SETD5: variants seen among roughly 807,000 people sequenced by gnomAD.
SETD5 encodes histone-lysine N-methyltransferase SETD5.
A neutral mutation model predicts 153.3 loss-of-function variants in SETD5; 44 were observed. That is an observed-to-expected ratio of 0.29 (90% CI 0.23 to 0.37). SETD5 has a LOEUF of 0.37. SETD5 is among the 10% of genes least tolerant of loss of function. The pLI, the probability that SETD5 is intolerant of heterozygous loss-of-function variation, is 1.00. For synonymous variants in SETD5, 716 were observed against 645.2 expected, an observed-to-expected ratio of 1.11 and a Z score of -1.66; for missense variants, 1,544 against 1,768.0, an observed-to-expected ratio of 0.87 and a Z score of 2.27.
At chr3:9,435,951 C>A in intron 7 of SETD5, 45 bp downstream of exon 7, 1 of 1,500,148 alleles carries the variant, frequency 6.7e-7, no homozygotes, top group Non-Finnish European at 8.9e-7. Context: ...TCTGAAATAG[C>A]TTAAATTTTG....
intron 17 of SETD5, among the ~76,000 whole-genome samples, chr3:9,463,602 A>G (rs905046875): frequency 2.3e-4 from 35 of 152,184 alleles, no homozygotes; most frequent in African/African-American, 7.7e-4. Flanking sequence ...CTAATTTTTT[A>G]ATGGTTGGGA....
In SETD5 at chr3:9,473,336, C is replaced by T; in HGVS notation, c.3296C>T (p.Ala1099Val). 6.2e-7 allele frequency: 1 copy of T among 1,614,000 alleles called. No homozygotes were observed. Among genetic ancestry groups the T allele is most frequent in the Non-Finnish European group, 8.5e-7 (1 of 1,179,900 alleles). ...SAQSKSKSAG[A>V]GQGSSNSVSD... ...CAGAGCAAAAGCAAGTCTGCAGGAGCTGGGCAAGGCAGCAGTAACTCCGTT... is the reference window on the plus strand; with the variant it reads ...CAGAGCAAAAGCAAGTCTGCAGGAGTTGGGCAAGGCAGCAGTAACTCCGTT... Residue 1099 changes from alanine (A) to valine (V), a missense_variant, in exon 20 of 23, where the codon GCT becomes GTT. Physicochemically the swap from Ala to Val is moderately conservative, Grantham distance 64. This residue lies in a region of SETD5 where 93 missense variants were observed against 93.4 expected (regional missense o/e 1.00). Coordinates refer to ENST00000402198, the MANE Select transcript of SETD5 (RefSeq NM_001080517.3).
rs751506600 is a variant in SETD5, at chr3:9,434,799, CTTTAAG to C, written c.330-20_330-15del. 1 of 1,606,734 alleles carries C rather than the reference CTTTAAG, an allele frequency of 6.2e-7. No individual in the cohort carries two copies. On this transcript the variant is annotated intron_variant, in intron 5 of 22. Coordinates refer to ENST00000402198, the MANE Select transcript of SETD5 (RefSeq NM_001080517.3). This position sits in a 1 kb window ranked among gnomAD's most constrained non-coding sequence, Gnocchi z 5.6. ...GTGATGCATGCTGTTGGAAGGACTA[CTTTAAG>C]TTTATTTTCCCTCTTTAGGGGAATG...
chr3:9,472,844 T>C (rs893955659), intron 19 of SETD5, among the ~76,000 whole-genome samples: 1 of 152,138 alleles, frequency 6.6e-6, no homozygotes, highest in Non-Finnish European at 1.5e-5. Flanking sequence ...TTTTAAACTA[T>C]ACAAGCTTCC....
intron 15 of SETD5, 53 bp downstream of exon 15, chr3:9,448,059 T>G: frequency 1.3e-6 from 2 of 1,530,870 alleles, no homozygotes; most frequent in Non-Finnish European, 1.8e-6. Context: ...GCTGTCTTAG[T>G]GAAATGAGAG....
chr3:9,399,624 G>A (rs561716277), intron 1 of SETD5, among the ~76,000 whole-genome samples: 8 of 152,264 alleles, frequency 5.3e-5, no homozygotes, highest in African/African-American at 1.9e-4. Context: ...ATTTAAATTA[G>A]ATTGTAGAGT....
chr3:9,455,461 G>T (rs1479035008), intron 17 of SETD5, among the ~76,000 whole-genome samples: 1 of 151,802 alleles, frequency 6.6e-6, no homozygotes, highest in Non-Finnish European at 1.5e-5. Flanking sequence ...CTCTAGATTA[G>T]ATTATACCTC....
intron 17 of SETD5, among the ~76,000 whole-genome samples, chr3:9,459,131 G>A (rs1313153574): frequency 6.6e-6 from 1 of 152,116 alleles, no homozygotes; most frequent in Non-Finnish European, 1.5e-5. Flanking sequence ...GTACCTGGTT[G>A]GCGAGAGGTC....
chr3:9,445,982 T>TG (rs1178990677), intron 13 of SETD5, among the ~76,000 whole-genome samples: 1 of 147,766 alleles, frequency 6.8e-6, no homozygotes, highest in Non-Finnish European at 1.5e-5. Flanking sequence ...TTTTTTTTTT[T>TG]TTTTTTACTA....
intron 16 of SETD5, among the ~76,000 whole-genome samples, chr3:9,452,169 A>C (rs2042692315): frequency 6.6e-6 from 1 of 152,192 alleles, no homozygotes; most frequent in Non-Finnish European, 1.5e-5. Context: ...TTTTGTAGTC[A>C]TCAGATCCAG....
chr3:9,454,862 A>G (rs1009422223), intron 17 of SETD5, among the ~76,000 whole-genome samples: 3 of 152,040 alleles, frequency 2.0e-5, no homozygotes, highest in Admixed American at 1.3e-4. Context: ...TGATTTTCAT[A>G]ACTTTTCTCT....
rs371030587 is a variant in SETD5 at position 9,453,872 on chromosome 3, C to T, written c.2476+4C>T. Reference sequence around the variant, plus strand: ...AGTATCTGCAAAGACAATGCAGGTACGTATCTAAAACCTTTCTGATTATAT... The same window carrying T: ...AGTATCTGCAAAGACAATGCAGGTATGTATCTAAAACCTTTCTGATTATAT... On this transcript the variant is annotated splice_donor_region_variant and intron_variant, in intron 17 of 22. Transcript: ENST00000402198. The T allele has an allele frequency of 8.4e-4, 1,314 of 1,561,362 alleles. 1 individual carries two copies. Among genetic ancestry groups the T allele is most frequent in the Non-Finnish European group, 1.0e-3 (1,196 of 1,161,398 alleles).
rs886365015 is a variant in SETD5 at position 9,467,815 on chromosome 3, G to A, written c.2725-2644G>A. Among the ~76,000 whole-genome samples the A allele has an allele frequency of 2.0e-5, 3 of 152,012 alleles. 1 individual carries two copies. The South Asian group carries it at 6.2e-4, about 32-fold the overall frequency. The stretch of plus-strand genomic sequence containing the variant: ...AAGTCCTACCCTCTGTAGGATACAG[G>A]GACCTAAGTATACACATACATGCTT... On this transcript the variant is annotated intron_variant, in intron 18 of 22. Transcript: ENST00000402198.
chr3:9,408,147 G>A (rs933144619), intron 1 of SETD5, among the ~76,000 whole-genome samples: 3 of 152,072 alleles, frequency 2.0e-5, no homozygotes, highest in African/African-American at 7.2e-5. Flanking sequence ...TAAATTATAC[G>A]CTTACCATAA....
Position 9,476,364 on chromosome 3 carries a change from C to T in SETD5, c.*273C>T, listed in dbSNP as rs1315808886. On this transcript the variant is annotated 3_prime_UTR_variant, in exon 23 of 23. Transcript: ENST00000402198. ...AAGCAAATGGTGTTTCGGTTAGTAA[C>T]GGTTCTAAGTGCAATGAGTTGTGTT... 1.9e-5 allele frequency: 8 copies of T among 418,076 alleles called. No individual in the cohort carries two copies. Among genetic ancestry groups the T allele is most frequent in the East Asian group, 4.3e-5 (1 of 23,188 alleles). 25.9% of individuals were successfully genotyped at this position (418,076 alleles called of 1,614,324 possible). A position where few individuals can be genotyped will look rare whatever the true frequency, so the allele number is the denominator to read the frequency against.
At chr3:9,475,008 C>T in intron 21 of SETD5, 60 bp from the exon 22 acceptor site, 1 of 1,439,396 alleles carries the variant, frequency 6.9e-7, no homozygotes, top group South Asian at 1.2e-5. Flanking sequence ...TGAAAAATGG[C>T]TCTTTCTTAC....
intron 1 of SETD5, among the ~76,000 whole-genome samples, chr3:9,416,829 A>G (rs1276422448): frequency 6.6e-6 from 1 of 152,134 alleles, no homozygotes; most frequent in Non-Finnish European, 1.5e-5. Flanking sequence ...GAAGGAAGAG[A>G]GGTTATAGAT....
At chr3:9,456,840 G>GT (rs1362130430) in intron 17 of SETD5, among the ~76,000 whole-genome samples, 6 of 151,998 alleles carry the variant, frequency 3.9e-5, no homozygotes, top group African/African-American at 7.2e-5. Flanking sequence ...GCTGGGCATG[G>GT]TGGCATGCAC....
intron 1 of SETD5, among the ~76,000 whole-genome samples, chr3:9,422,431 T>C (rs1036202180): frequency 6.6e-6 from 1 of 152,244 alleles, no homozygotes; most frequent in African/African-American, 2.4e-5. Flanking sequence ...TGAAATGTTA[T>C]AGCTGGATGA....
Sources: gnomAD v4.1 joint callset for allele counts (sites outside exome capture counted in the v4.1 genomes callset) on GRCh38, gnomAD v4.1.1 for gene constraint, gnomAD v4.1.1 regional missense constraint, Gnocchi (gnomAD v3.1) non-coding constraint, MANE v1.5 for transcripts, NCBI Gene and HGNC (gene_info 2026-07-23, HGNC 2026-07-21) for gene names.